Variants in INTS7 observed in about 807,000 individuals in gnomAD.
INTS7 encodes chromosome 1 open reading frame 73.
A neutral mutation model predicts 109.2 loss-of-function variants in INTS7; 46 were observed. The observed-to-expected ratio is 0.42, with a 90% CI of 0.33 to 0.54. INTS7 has a LOEUF of 0.54. INTS7 is among the 20% of genes least tolerant of loss of function. The probability of loss-of-function intolerance (pLI) is 0.07; values close to 1 mark genes in which losing one functional copy is unlikely to be tolerated. For missense variants in INTS7, 929 were observed against 1,132.4 expected (o/e 0.82, Z 2.58); for synonymous variants, 412 against 402.9 (o/e 1.02, Z -0.27).
At position 211,973,160 on chromosome 1, in the gene INTS7, G is replaced by T. The variant is rs542172120; in HGVS notation, c.1815+2006C>A. 4.6e-5 allele frequency among the ~76,000 whole-genome samples: 7 copies of T among 152,142 alleles called. No individual in the cohort carries two copies. The East Asian group carries it at 1.4e-3, about 29-fold the overall frequency. On this transcript the variant is annotated intron_variant, in intron 13 of 19. Transcript: ENST00000366994. ...GGGGTTTTCCAACATTGCCCAGGCTGGTCTCAAACTCCTGGGCTCAAGTGA... is the reference window on the plus strand; with the variant it reads ...GGGGTTTTCCAACATTGCCCAGGCTTGTCTCAAACTCCTGGGCTCAAGTGA...
chr1:211,967,984 A>G lies in INTS7; in HGVS notation c.2011-3T>C. The G allele has an allele frequency of 1.3e-6, 2 of 1,494,418 alleles. No homozygotes were observed. Among genetic ancestry groups the G allele is most frequent in the Non-Finnish European group, 1.8e-6 (2 of 1,092,594 alleles). The allele number at this position is 1,494,418 out of a possible 1,614,324, so 92.6% of individuals were successfully genotyped here. A position where few individuals can be genotyped will look rare whatever the true frequency, so the allele number is the denominator to read the frequency against. The stretch of plus-strand genomic sequence containing the variant: ...AATTCTTCCATGGACTGTTTCATCT[A>G]TAAAAAAAAATCAATTATGACAAAC... On this transcript the variant is annotated splice_region_variant and splice_polypyrimidine_tract_variant and intron_variant, in intron 14 of 19. Coordinates refer to ENST00000366994, the MANE Select transcript of INTS7 (RefSeq NM_015434.4).
At chr1:212,016,398 T>C (rs1666443987) in intron 4 of INTS7, among the ~76,000 whole-genome samples, 1 of 152,230 alleles carries the variant, frequency 6.6e-6, no homozygotes, top group South Asian at 2.1e-4. Context: ...TTAATCCTCC[T>C]GCCCAAAACA....
chr1:211,950,948 CTT>C (rs1287936699), intron 17 of INTS7, among the ~76,000 whole-genome samples: 1 of 152,192 alleles, frequency 6.6e-6, no homozygotes, highest in Non-Finnish European at 1.5e-5. Flanking sequence ...CAAAGACTGT[CTT>C]TACACTCTCC....
In INTS7 at chr1:212,007,424, C is replaced by T; in HGVS notation, c.582G>A (p.Lys194=). 1.9e-6 allele frequency: 3 copies of T among 1,613,744 alleles called. No individual in the cohort carries two copies. The highest frequency in any genetic ancestry group is 2.5e-6 in the Non-Finnish European group (3 of 1,179,712). Residue 194 remains lysine, a synonymous_variant, in exon 6 of 20, where the codon AAG becomes AAA. Coordinates refer to ENST00000366994, the MANE Select transcript of INTS7 (RefSeq NM_015434.4). ...IQGLATPVDL[K]LKLIPILQHM... ...GCTGTAGAATGGGTATCAATTTTAG[C>T]TTCAAGTCTACTGGTGTCGCTAAAC...
At chr1:212,020,030 A>T in intron 3 of INTS7, 92 bp downstream of exon 3, 2 of 879,034 alleles carry the variant, frequency 2.3e-6, no homozygotes, top group South Asian at 3.2e-5. Flanking sequence ...AACTCCTAAT[A>T]CTCAAAATGA....
rs1229102377 is a variant in INTS7 at position 211,978,477 on chromosome 1, C to A, written c.1265G>T (p.Gly422Val). The A allele has an allele frequency of 6.2e-7, 1 of 1,614,166 alleles. No homozygotes were observed. The highest frequency in any genetic ancestry group is 8.5e-7 in the Non-Finnish European group (1 of 1,180,018). ...TACTGACTGGCTAAGATGGGGCCTG[C>A]CCTTGGCCAACTTCACCATACAGTT... Reference protein sequence around the residue: ...ALNCMVKLAKGRPHLSQSVVE... With the variant: ...ALNCMVKLAKVRPHLSQSVVE... The change falls in exon 11 of 20, where the codon GGC becomes GTC. Residue 422 changes from glycine to valine, a missense_variant. Coordinates refer to ENST00000366994, the MANE Select transcript of INTS7 (RefSeq NM_015434.4).
chr1:211,974,761 C>A (rs1664343954), intron 13 of INTS7, among the ~76,000 whole-genome samples: 1 of 152,028 alleles, frequency 6.6e-6, no homozygotes, highest in Admixed American at 6.6e-5. Context: ...ACACTAGAAT[C>A]TTCGATAATT....
At position 212,035,458 on chromosome 1, in the gene INTS7, T is replaced by C. The variant is rs1291456375; in HGVS notation, c.-21A>G. 21 of 1,560,258 alleles carry C rather than the reference T, an allele frequency of 1.3e-5. No homozygotes were observed. Among genetic ancestry groups the C allele is most frequent in the Non-Finnish European group, 1.8e-5 (20 of 1,131,142 alleles). ...GCCATGACCCGAATAGTTACTCGACTAGCCTAGTCAGAAAGCTTGCAAACT... is the reference window on the plus strand; with the variant it reads ...GCCATGACCCGAATAGTTACTCGACCAGCCTAGTCAGAAAGCTTGCAAACT... On this transcript the variant is annotated 5_prime_UTR_variant, in exon 1 of 20. Coordinates refer to ENST00000366994, the MANE Select transcript of INTS7 (RefSeq NM_015434.4).
chr1:211,957,930 C>G (rs529941317), intron 16 of INTS7, among the ~76,000 whole-genome samples: 3 of 151,904 alleles, frequency 2.0e-5, no homozygotes, highest in African/African-American at 7.3e-5. Flanking sequence ...TCAGAAGTTA[C>G]TGTCAAATGA....
Position 212,021,099 on chromosome 1 carries a change from C to T in INTS7, c.208G>A (p.Asp70Asn), listed in dbSNP as rs1666674987. The T allele has an allele frequency of 6.2e-7, 1 of 1,603,784 alleles. No homozygotes were observed. The highest frequency in any genetic ancestry group is 8.5e-7 in the Non-Finnish European group (1 of 1,176,270). ...LINSAFLKLADVFRVGNNFLR... is the reference protein window; with the variant it reads ...LINSAFLKLANVFRVGNNFLR... ...AAGACTTACCCAACTCTGAAAACAT[C>T]AGCTAACTTTAGGAATGCAGAATTG... The change falls in exon 2 of 20, where the codon GAT becomes AAT. Residue 70 changes from aspartate (D) to asparagine (N), a missense_variant. By Grantham distance (23) the Asp-to-Asn change is conservative. Around this residue, in one of 2 missense-constraint regions of INTS7, gnomAD observed 142 missense variants for 231.4 expected, o/e 0.61. Transcript: ENST00000366994.
At chr1:212,017,840 C>T (rs1558056368) in intron 3 of INTS7, among the ~76,000 whole-genome samples, 1 of 152,110 alleles carries the variant, frequency 6.6e-6, no homozygotes, top group Non-Finnish European at 1.5e-5. Flanking sequence ...GTTCCTAGTA[C>T]TGTTAAAAAT....
chr1:212,020,881 A>G (rs1308698595), intron 2 of INTS7: 2 of 593,168 alleles, frequency 3.4e-6, no homozygotes, highest in African/African-American at 1.9e-5. Context: ...CTCCAAAGAA[A>G]TAAGTATCGT....
chr1:212,029,543 A>G (rs1250017550), intron 1 of INTS7, among the ~76,000 whole-genome samples: 1 of 152,242 alleles, frequency 6.6e-6, no homozygotes, highest in Non-Finnish European at 1.5e-5. Flanking sequence ...TGCAAGGGAA[A>G]CTAGGAAATA....
intron 1 of INTS7, among the ~76,000 whole-genome samples, chr1:212,026,964 T>G (rs1348389316): frequency 6.6e-6 from 1 of 152,248 alleles, no homozygotes; most frequent in Non-Finnish European, 1.5e-5. Flanking sequence ...AAAGATTATT[T>G]TGAATGAAGC....
rs983335787 is a variant in INTS7 at position 211,941,788 on chromosome 1, G to C, written c.*36C>G. ...CCAAACTGTTTCTGGCAATTTGATT[G>C]ATCTCTTGAGAGTCTGCAGTGCATT... On this transcript the variant is annotated 3_prime_UTR_variant, in exon 20 of 20. Transcript: ENST00000366994. 3.1e-6 allele frequency: 5 copies of C among 1,588,692 alleles called. No individual in the cohort carries two copies. The highest frequency in any genetic ancestry group is 1.8e-5 in the Admixed American group (1 of 56,402).
At chr1:211,967,369 T>C (rs1002988541) in intron 15 of INTS7, among the ~76,000 whole-genome samples, 2 of 150,428 alleles carry the variant, frequency 1.3e-5, no homozygotes, top group African/African-American at 4.9e-5. Context: ...GGAGAATCGC[T>C]TGAACCCAGG....
At chr1:211,987,413 T>C (rs2102437095) in intron 8 of INTS7, among the ~76,000 whole-genome samples, 1 of 152,272 alleles carries the variant, frequency 6.6e-6, no homozygotes, top group East Asian at 1.9e-4. Context: ...TTAGAGTTAA[T>C]CATCTTGAAT....
chr1:211,991,268 C>G (rs1279062671), intron 7 of INTS7, among the ~76,000 whole-genome samples: 1 of 152,178 alleles, frequency 6.6e-6, no homozygotes, highest in Non-Finnish European at 1.5e-5. Context: ...ATCTAAGATA[C>G]AGCAAATTTT....
intron 14 of INTS7, 24 bp from the exon 15 acceptor site, chr1:211,968,005 C>A (rs761744166): frequency 8.0e-6 from 10 of 1,257,128 alleles, no homozygotes; most frequent in South Asian, 3.9e-5. Flanking sequence ...TCAATTATGA[C>A]AAACAAACAT....
Sources: gnomAD v4.1 joint callset for allele counts (sites outside exome capture counted in the v4.1 genomes callset) on GRCh38, gnomAD v4.1.1 for gene constraint, gnomAD v4.1.1 regional missense constraint, MANE v1.5 for transcripts, NCBI Gene and HGNC (gene_info 2026-07-23, HGNC 2026-07-21) for gene names.